Variants in PCDHGA4 observed in about 807,000 individuals in gnomAD.
PCDHGA4 encodes protocadherin gamma-A4.
A neutral mutation model predicts 54.6 loss-of-function variants in PCDHGA4; 38 were observed. The ratio of observed to expected loss-of-function variants is 0.70; its 90% confidence interval spans 0.54 to 0.91. The LOEUF is 0.91. Ranked by LOEUF, PCDHGA4 falls within the 40% of genes least tolerant of loss-of-function variation. The probability of loss-of-function intolerance (pLI) is 0.00; values close to 1 mark genes in which losing one functional copy is unlikely to be tolerated. For synonymous variants in PCDHGA4, 511 were observed against 512.9 expected, an observed-to-expected ratio of 1.00 and a Z score of 0.05; for missense variants, 1,298 against 1,220.9, an observed-to-expected ratio of 1.06 and a Z score of -0.94.
chr5:141,372,700 A>G (rs1768981627), intron 1 of PCDHGA4: 1 of 1,614,002 alleles, frequency 6.2e-7, no homozygotes, highest in South Asian at 1.1e-5. Context: ...AAATTTCTCA[A>G]TATAAAGGCT....
chr5:141,431,498 T>C lies in PCDHGA4; in HGVS notation c.2515-63309T>C, dbSNP rs1274311782. On this transcript the variant is annotated intron_variant, in intron 1 of 3. Coordinates refer to ENST00000571252, the MANE Select transcript of PCDHGA4 (RefSeq NM_018917.4). The surrounding 1 kb of genome is among the most constrained non-coding windows in gnomAD (Gnocchi z 4.8). ...CGCACCAGCGTTTGCTCAGCCCGAG[T>C]ACCGCGCGAGCGTTCCGGAGAATCT... The C allele has an allele frequency of 6.2e-7, 1 of 1,613,992 alleles. No homozygotes were observed. Among genetic ancestry groups the C allele is most frequent in the Non-Finnish European group, 8.5e-7 (1 of 1,180,034 alleles).
At chr5:141,420,725 C>T (rs1468308275) in intron 1 of PCDHGA4, among the ~76,000 whole-genome samples, 1 of 152,188 alleles carries the variant, frequency 6.6e-6, no homozygotes, top group African/African-American at 2.4e-5. Flanking sequence ...TCCTTTCAGT[C>T]GGTTAAAATC....
rs768648952 is a variant in PCDHGA4, at chr5:141,477,230, G to T, written c.2515-17577G>T. 14 of 1,614,046 alleles carry T rather than the reference G, an allele frequency of 8.7e-6. No homozygotes were observed. The highest frequency in any genetic ancestry group is 4.0e-5 in the African/African-American group (3 of 74,916). On this transcript the variant is annotated intron_variant, in intron 1 of 3. Transcript: ENST00000571252. The surrounding 1 kb of genome is among the most constrained non-coding windows in gnomAD (Gnocchi z 4.9). Reference sequence around the variant, plus strand: ...GGATGCCCCTCTGGGGACTGTCATCGCTTTGCTCAGTGTGACTGACCTGGA... The same window carrying T: ...GGATGCCCCTCTGGGGACTGTCATCTCTTTGCTCAGTGTGACTGACCTGGA...
intron 1 of PCDHGA4, chr5:141,374,182 C>T (rs1262335911): frequency 1.9e-6 from 3 of 1,613,736 alleles, no homozygotes; most frequent in Middle Eastern, 1.6e-4. Flanking sequence ...AGATCCGCTA[C>T]TCTATTCCCG....
At chr5:141,461,456 T>C (rs12186717) in intron 1 of PCDHGA4, among the ~76,000 whole-genome samples, 42,391 of 152,030 alleles carry the variant, frequency 0.28, 6,631 homozygotes, top group African/African-American at 0.43. Context: ...AATGGCTATT[T>C]GTGTCCTTTG....
In PCDHGA4 at chr5:141,431,321, G is replaced by A. The variant is rs112186927; in HGVS notation, c.2515-63486G>A. The A allele has an allele frequency of 1.2e-6, 2 of 1,613,938 alleles. No individual in the cohort carries two copies. The highest frequency in any genetic ancestry group is 1.3e-5 in the African/African-American group (1 of 74,910). ...CCTCATCGTGCAAAATGGAGCCGAC[G>A]GTAGTAAGTACCCCGAATTGGTGCT... is the stretch of plus-strand genomic sequence containing the variant. On this transcript the variant is annotated intron_variant, in intron 1 of 3. Transcript: ENST00000571252. The surrounding 1 kb of genome is among the most constrained non-coding windows in gnomAD (Gnocchi z 4.8).
rs578188210 is a variant in PCDHGA4 at position 141,360,311 on chromosome 5, G to A, written c.2514+2690G>A. 3.1e-6 allele frequency: 5 copies of A among 1,613,936 alleles called. No homozygotes were observed. The East Asian group carries it at 1.1e-4, about 36-fold the overall frequency. ...GCCAAGGATCTGGGGCTCAGCGTCC[G>A]GGACTTGCCAGCCCGGAAGCTGCGG... is the stretch of plus-strand genomic sequence containing the variant. On this transcript the variant is annotated intron_variant, in intron 1 of 3. Transcript: ENST00000571252.
chr5:141,404,890 A>G (rs745830169), intron 1 of PCDHGA4: 1 of 1,613,870 alleles, frequency 6.2e-7, no homozygotes, highest in Middle Eastern at 1.6e-4. Context: ...TGGTGGCTGT[A>G]CAGGACCATG....
intron 1 of PCDHGA4, chr5:141,372,047 G>C (rs1768347911): frequency 1.2e-6 from 2 of 1,613,408 alleles, no homozygotes; most frequent in Non-Finnish European, 1.7e-6. Context: ...TGCGCGTGTT[G>C]GTGGACGACC....
intron 1 of PCDHGA4, among the ~76,000 whole-genome samples, chr5:141,380,425 G>A (rs1383419124): frequency 1.3e-5 from 2 of 152,192 alleles, no homozygotes; most frequent in Non-Finnish European, 1.5e-5. Context: ...AAGCCAAATA[G>A]ACTTTACATA....
chr5:141,432,050 C>T lies in PCDHGA4; in HGVS notation c.2515-62757C>T. The stretch of plus-strand genomic sequence containing the variant: ...GACCGCCACTGACCGGGGAACCCCG[C>T]CCCTATCCACGGAAACTCATATCTC... On this transcript the variant is annotated intron_variant, in intron 1 of 3. Transcript: ENST00000571252. The surrounding 1 kb of genome is among the most constrained non-coding windows in gnomAD (Gnocchi z 6.0). The T allele has an allele frequency of 6.2e-7, 1 of 1,614,218 alleles. No individual in the cohort carries two copies. The highest frequency in any genetic ancestry group is 8.5e-7 in the Non-Finnish European group (1 of 1,180,044).
chr5:141,382,128 C>T (rs1777984217), intron 1 of PCDHGA4, among the ~76,000 whole-genome samples: 3 of 152,026 alleles, frequency 2.0e-5, no homozygotes. Context: ...GCACCTGGCC[C>T]CCCCTCTCAT....
At chr5:141,364,765 T>C (rs767363057) in intron 1 of PCDHGA4, 4 of 1,613,970 alleles carry the variant, frequency 2.5e-6, no homozygotes, top group Non-Finnish European at 3.4e-6. Flanking sequence ...TTAATGAAAA[T>C]GCGGCTGCAG....
chr5:141,376,417 G>A (rs750081761), intron 1 of PCDHGA4: 30 of 1,614,148 alleles, frequency 1.9e-5, no homozygotes, highest in Non-Finnish European at 2.5e-5. Context: ...ATGCCGACAC[G>A]CTTATCAACC....
Position 141,465,218 on chromosome 5 carries a change from A to G in PCDHGA4, c.2515-29589A>G, listed in dbSNP as rs151158068. ...ATAAAAATATAAGCTTTATTTTTCA[A>G]CATGAGCTCCATCAAGTTCAAGGCA... On this transcript the variant is annotated intron_variant, in intron 1 of 3. Coordinates refer to ENST00000571252, the MANE Select transcript of PCDHGA4 (RefSeq NM_018917.4). Among the ~76,000 whole-genome samples, 591 of 152,288 alleles carry G rather than the reference A, an allele frequency of 3.9e-3. 6 individuals carry two copies. The highest frequency in any genetic ancestry group is 0.011 in the Admixed American group (171 of 15,290).
At chr5:141,402,801 G>C (rs1218765657) in intron 1 of PCDHGA4, 6 of 1,078,624 alleles carry the variant, frequency 5.6e-6, no homozygotes, top group Middle Eastern at 3.2e-4. Flanking sequence ...CACAAAACCC[G>C]GCAGATACCA....
Position 141,456,380 on chromosome 5 carries a change from C to T in PCDHGA4, c.2515-38427C>T, listed in dbSNP as rs186993611. ...CCATGTGTGGTTCAGTTTACAGCAC[C>T]GTTTGGAGTTTGATTGCTTCTAGGC... is the stretch of plus-strand genomic sequence containing the variant. On this transcript the variant is annotated intron_variant, in intron 1 of 3. Coordinates refer to ENST00000571252, the MANE Select transcript of PCDHGA4 (RefSeq NM_018917.4). Among the ~76,000 whole-genome samples, 427 of 152,082 alleles carry T rather than the reference C, an allele frequency of 2.8e-3. 1 individual carries two copies. Among genetic ancestry groups the T allele is most frequent in the Non-Finnish European group, 2.7e-3 (184 of 68,004 alleles).
intron 1 of PCDHGA4, chr5:141,408,126 C>T: frequency 1.5e-5 from 22 of 1,479,600 alleles, no homozygotes; most frequent in Non-Finnish European, 1.6e-5. Flanking sequence ...TGTCCTGGGC[C>T]GAATGCTCTT....
At chr5:141,365,799 C>G (rs755374983) in intron 1 of PCDHGA4, 1 of 1,613,942 alleles carries the variant, frequency 6.2e-7, no homozygotes, top group South Asian at 1.1e-5. Flanking sequence ...GTCACCTACT[C>G]CCTGGCTGAA....
Sources: gnomAD v4.1 joint callset for allele counts (sites outside exome capture counted in the v4.1 genomes callset) on GRCh38, gnomAD v4.1.1 for gene constraint, Gnocchi (gnomAD v3.1) non-coding constraint, MANE v1.5 for transcripts, NCBI Gene and HGNC (gene_info 2026-07-23, HGNC 2026-07-21) for gene names.